The following TUBGCP3 variants were observed in gnomAD, a reference collection of about 807,000 sequenced individuals.
The protein encoded by TUBGCP3 is tubulin gamma complex component 3.
TUBGCP3 carries 50 observed loss-of-function variants against 123.1 expected under a neutral mutation model. That is an observed-to-expected ratio of 0.41 (90% CI 0.32 to 0.51). The LOEUF is 0.51. TUBGCP3 is among the 20% of genes least tolerant of loss of function. TUBGCP3 has a pLI of 0.36. For synonymous variants in TUBGCP3, 405 were observed against 413.9 expected (o/e 0.98, Z 0.26); for missense variants, 882 against 1,127.0 (o/e 0.78, Z 3.11).
Position 112,558,301 on chromosome 13 carries a change from G to A in TUBGCP3, c.443C>T (p.Ala148Val). 6.2e-7 allele frequency: 1 copy of A among 1,613,730 alleles called. No individual in the cohort carries two copies. The change falls in exon 5 of 22, where the codon GCC (alanine) becomes GTC (valine). Residue 148 changes from alanine to valine, a missense_variant. Ala to Val is a moderately conservative substitution (Grantham distance 64). This residue lies in a region of TUBGCP3 where 713 missense variants were observed against 874.0 expected (regional missense o/e 0.82). Coordinates refer to ENST00000261965, the MANE Select transcript of TUBGCP3 (RefSeq NM_006322.6). ...GCTGCCGGAGCTCTGGGCTGACTGG[G>A]CACTCCGATCTTGGTAGCTCAGGGG... ...TLPLSYQDRS[A>V]QSAQSSGSVG...
intron 11 of TUBGCP3, among the ~76,000 whole-genome samples, chr13:112,541,309 A>C (rs1031418172): frequency 1.3e-5 from 2 of 152,156 alleles, no homozygotes; most frequent in African/African-American, 2.4e-5. Context: ...TGGGAGGCCG[A>C]GGCGGGTGGA....
upstream of TUBGCP3, among the ~76,000 whole-genome samples, chr13:112,590,369 T>A (rs1882862631): frequency 1.3e-5 from 2 of 152,162 alleles, no homozygotes; most frequent in South Asian, 4.1e-4. Context: ...GTCGGAAACC[T>A]TCTCCAACTG....
the TUBGCP3 span, among the ~76,000 whole-genome samples, chr13:112,599,183 G>A: frequency 6.6e-6 from 1 of 152,146 alleles, no homozygotes; most frequent in African/African-American, 2.4e-5. Flanking sequence ...TGTCACTGTT[G>A]GTGGTAATAA....
Position 112,489,568 on chromosome 13 carries a change from T to A in TUBGCP3, c.2565+13A>T, listed in dbSNP as rs766557592. The A allele has an allele frequency of 6.0e-5, 95 of 1,587,996 alleles. No individual in the cohort carries two copies. Among genetic ancestry groups the A allele is most frequent in the Non-Finnish European group, 8.0e-5 (92 of 1,156,246 alleles). ...GAGTGGTGTGAAGAGCCACTCTGTA[T>A]CCTCATACACACCTGGTAGAAATGG... On this transcript the variant is annotated intron_variant, in intron 21 of 21. Coordinates refer to ENST00000261965, the MANE Select transcript of TUBGCP3 (RefSeq NM_006322.6).
chr13:112,564,784 A>G (rs1175536869), intron 3 of TUBGCP3, among the ~76,000 whole-genome samples: 6 of 152,274 alleles, frequency 3.9e-5, no homozygotes, highest in African/African-American at 7.2e-5. Context: ...TCAGTCAGAT[A>G]AAGTTTAGCT....
At chr13:112,493,606 A>C (rs1880291698) in intron 20 of TUBGCP3, among the ~76,000 whole-genome samples, 2 of 149,150 alleles carry the variant, frequency 1.3e-5, no homozygotes, top group Non-Finnish European at 3.0e-5. Context: ...GGTGTGCCTG[A>C]GATGCTCTGG....
chr13:112,588,927 GGGT>G (rs1205577134), upstream of TUBGCP3, among the ~76,000 whole-genome samples: 1 of 152,224 alleles, frequency 6.6e-6, no homozygotes, highest in Non-Finnish European at 1.5e-5. Context: ...CGTCGGGCCT[GGGT>G]CCAGCTCAGG....
intron 16 of TUBGCP3, among the ~76,000 whole-genome samples, chr13:112,518,724 G>C (rs1294098617): frequency 6.6e-6 from 1 of 152,186 alleles, no homozygotes; most frequent in Non-Finnish European, 1.5e-5. Flanking sequence ...TTATTAAGGA[G>C]TTGCTGAAAC....
chr13:112,604,582 G>A, the TUBGCP3 span: 1 of 152,204 alleles, frequency 6.6e-6, no homozygotes, highest in African/African-American at 2.4e-5. Context: ...ACAGAAGTGA[G>A]CTACCATGCC....
chr13:112,597,368 C>T, the TUBGCP3 span, among the ~76,000 whole-genome samples: 1 of 152,320 alleles, frequency 6.6e-6, no homozygotes, highest in East Asian at 1.9e-4. Context: ...AAGAATCAAA[C>T]ATAAATCCCC....
intron 18 of TUBGCP3, 26 bp from the exon 19 acceptor site, chr13:112,504,189 T>A: frequency 3.1e-6 from 5 of 1,613,892 alleles, no homozygotes; most frequent in Non-Finnish European, 4.2e-6. Context: ...TTAAAGACGC[T>A]AGATAAGCTC....
intron 17 of TUBGCP3, among the ~76,000 whole-genome samples, chr13:112,514,271 G>A (rs1315969073): frequency 6.9e-6 from 1 of 144,094 alleles, no homozygotes; most frequent in Admixed American, 6.9e-5. Flanking sequence ...GATACTATCT[G>A]AGGTTTCAGG....
At chr13:112,526,425 C>T (rs997650212) in intron 13 of TUBGCP3, among the ~76,000 whole-genome samples, 5 of 150,844 alleles carry the variant, frequency 3.3e-5, no homozygotes, top group Admixed American at 2.6e-4. Context: ...CCATCACTGC[C>T]GCTACCACGC....
chr13:112,496,020 AC>A (rs1435163552), intron 20 of TUBGCP3, among the ~76,000 whole-genome samples: 3 of 152,210 alleles, frequency 2.0e-5, no homozygotes, highest in Non-Finnish European at 4.4e-5. Flanking sequence ...TATTTTCAAA[AC>A]TATACTGTTC....
In TUBGCP3 at chr13:112,556,617, G is replaced by A. The variant is rs760854325; in HGVS notation, c.549-393C>T. 3.3e-5 allele frequency among the ~76,000 whole-genome samples: 5 copies of A among 151,930 alleles called. No homozygotes were observed. The South Asian group carries it at 6.2e-4, about 19-fold the overall frequency. ...TTTAACTTCAAAATCCACAACTCTC[G>A]TTCACTCCCCATGTACTGAGCAGAG... On this transcript the variant is annotated intron_variant, in intron 5 of 21. Coordinates refer to ENST00000261965, the MANE Select transcript of TUBGCP3 (RefSeq NM_006322.6).
chr13:112,551,885 G>A (rs548054078), intron 8 of TUBGCP3, among the ~76,000 whole-genome samples: 1 of 152,244 alleles, frequency 6.6e-6, no homozygotes, highest in East Asian at 1.9e-4. Context: ...GGGTGGGATG[G>A]GGGGGCAGAG....
intron 14 of TUBGCP3, among the ~76,000 whole-genome samples, chr13:112,522,059 AG>A (rs1876669771): frequency 6.6e-6 from 1 of 152,240 alleles, no homozygotes; most frequent in African/African-American, 2.4e-5. Flanking sequence ...GAAGACTGTA[AG>A]CCCCACAGTT....
At chr13:112,535,870 A>G (rs952909766) in intron 11 of TUBGCP3, among the ~76,000 whole-genome samples, 6 of 152,200 alleles carry the variant, frequency 3.9e-5, no homozygotes, top group East Asian at 1.9e-4. Flanking sequence ...ATTTACCACT[A>G]TATCTTCTTC....
intron 19 of TUBGCP3, among the ~76,000 whole-genome samples, chr13:112,502,492 G>T (rs1880982562): frequency 6.6e-6 from 1 of 151,412 alleles, no homozygotes; most frequent in East Asian, 1.9e-4. Context: ...CAAGACCAGG[G>T]TTAGTAATAG....
Sources: allele counts gnomAD v4.1 joint callset (sites outside exome capture counted in the v4.1 genomes callset), GRCh38; gene constraint gnomAD v4.1.1; regional missense constraint gnomAD v4.1.1; transcripts MANE v1.5; gene names NCBI Gene and HGNC (gene_info 2026-07-23, HGNC 2026-07-21).